Variants in KCNT1 observed in about 807,000 individuals in gnomAD.
KCNT1 encodes the protein potassium channel subfamily T member 1.
Under a neutral mutation model 147.8 loss-of-function variants are expected in KCNT1, and 78 were observed. The observed-to-expected ratio is 0.53, with a 90% CI of 0.44 to 0.64. The LOEUF is 0.64. KCNT1 is among the 30% of genes least tolerant of loss of function. The pLI, the probability that KCNT1 is intolerant of heterozygous loss-of-function variation, is 0.00. For missense variants in KCNT1, 1,419 were observed against 1,750.3 expected (o/e 0.81, Z 3.38); for synonymous variants, 867 against 748.8 (o/e 1.16, Z -2.58).
chr9:135,765,361 CCCAGGA>C (rs1832192639), intron 12 of KCNT1, among the ~76,000 whole-genome samples, 166 bp downstream of exon 12: 1 of 56,576 alleles, frequency 1.8e-5, no homozygotes, highest in Non-Finnish European at 3.8e-5. Context: ...CCATCCTCTC[CCCAGGA>C]CTGCCATCCT....
At chr9:135,791,913 C>T (rs751772524) in intron 30 of KCNT1, 32 bp downstream of exon 30, 2 of 1,611,814 alleles carry the variant, frequency 1.2e-6, no homozygotes, top group Non-Finnish European at 1.7e-6. Context: ...TGTGGAGACC[C>T]CCCCTGAGCA....
chr9:135,740,855 C>T (rs1270803523), intron 2 of KCNT1, among the ~76,000 whole-genome samples: 1 of 152,012 alleles, frequency 6.6e-6, no homozygotes, highest in Non-Finnish European at 1.5e-5. Context: ...CCTGGACCAC[C>T]GTGGGTTTGG....
chr9:135,731,284 G>A (rs536774021), intron 2 of KCNT1, among the ~76,000 whole-genome samples: 7 of 152,298 alleles, frequency 4.6e-5, no homozygotes, highest in East Asian at 3.9e-4. Flanking sequence ...CGCGGCTCGC[G>A]TTAGAATCTC....
rs986663862 is a variant in KCNT1 at position 135,730,542 on chromosome 9, C to T, written c.254+15822C>T. On this transcript the variant is annotated intron_variant, in intron 2 of 30. Transcript: ENST00000371757. The surrounding 1 kb of genome is among the most constrained non-coding windows in gnomAD (Gnocchi z 4.7). Reference sequence around the variant, plus strand: ...TGAGCAGGGGAAGCAAGGACTGGAGCGATGGGAGGAGGGGCCCAGCCGGGG... The same window carrying T: ...TGAGCAGGGGAAGCAAGGACTGGAGTGATGGGAGGAGGGGCCCAGCCGGGG... 1.3e-5 allele frequency among the ~76,000 whole-genome samples: 2 copies of T among 151,940 alleles called. No homozygotes were observed. Among genetic ancestry groups the T allele is most frequent in the East Asian group, 1.9e-4 (1 of 5,168 alleles).
At chr9:135,769,215 C>T (rs1473976162) in intron 15 of KCNT1, among the ~76,000 whole-genome samples, 1 of 133,084 alleles carries the variant, frequency 7.5e-6, no homozygotes, top group South Asian at 2.4e-4. Context: ...GCATCTGGGG[C>T]AGGGCACGTG....
intron 6 of KCNT1, among the ~76,000 whole-genome samples, chr9:135,755,394 C>A (rs1831418156): frequency 6.7e-6 from 1 of 149,806 alleles, no homozygotes; most frequent in Non-Finnish European, 1.5e-5. Flanking sequence ...CAAACCCAGG[C>A]TCAGTAAACA....
intron 2 of KCNT1, among the ~76,000 whole-genome samples, chr9:135,721,726 G>GA (rs1317905881): frequency 9.2e-5 from 14 of 152,344 alleles, no homozygotes; most frequent in African/African-American, 3.4e-4. Flanking sequence ...CTGAGTGAGT[G>GA]AAATGCATGT....
chr9:135,744,259 A>G (rs1830700570), intron 2 of KCNT1, among the ~76,000 whole-genome samples: 1 of 152,204 alleles, frequency 6.6e-6, no homozygotes, highest in South Asian at 2.1e-4. Flanking sequence ...AGCAGGGAGA[A>G]CTGTTGCCGG....
chr9:135,742,788 T>C (rs1202807343), intron 2 of KCNT1: 1 of 717,092 alleles, frequency 1.4e-6, no homozygotes, highest in Non-Finnish European at 2.6e-6. Flanking sequence ...TGTAGAAGAT[T>C]TCAGCCTGGA....
chr9:135,792,455 G>A lies in KCNT1; in HGVS notation c.*294G>A. On this transcript the variant is annotated 3_prime_UTR_variant, in exon 31 of 31. Transcript: ENST00000371757. ...CTCGTGACCAGGGCTGGCTGGGAGG[G>A]CAACGCAGGGACTGGACGCCCTACA... is the stretch of plus-strand genomic sequence containing the variant. 3.2e-6 allele frequency: 1 copy of A among 308,006 alleles called. No homozygotes were observed. The highest frequency in any genetic ancestry group is 6.2e-6 in the Non-Finnish European group (1 of 160,656). 19.1% of individuals were successfully genotyped at this position (308,006 alleles called of 1,614,324 possible).
rs1395876777 is a variant in KCNT1 at position 135,730,930 on chromosome 9, G to T, written c.254+16210G>T. 6.9e-6 allele frequency among the ~76,000 whole-genome samples: 1 copy of T among 144,442 alleles called. No homozygotes were observed. Among genetic ancestry groups the T allele is most frequent in the East Asian group, 2.0e-4 (1 of 4,888 alleles). The allele number at this position is 144,442 out of a possible 152,430, so 94.8% of individuals were successfully genotyped here. On this transcript the variant is annotated intron_variant, in intron 2 of 30. Coordinates refer to ENST00000371757, the MANE Select transcript of KCNT1 (RefSeq NM_020822.3). This position sits in a 1 kb window ranked among gnomAD's most constrained non-coding sequence, Gnocchi z 4.7. ...GAGCCCAGGAGGTCCAGGCTGCAGT[G>T]AGCGATGTTCATGCCACTGCACTCC...
intron 2 of KCNT1, among the ~76,000 whole-genome samples, chr9:135,747,099 A>G (rs1328998643): frequency 6.6e-6 from 1 of 151,976 alleles, no homozygotes; most frequent in Non-Finnish European, 1.5e-5. Flanking sequence ...GCTGGGTGGG[A>G]GAGAGGCACC....
Position 135,756,915 on chromosome 9 carries a change from A to G in KCNT1, c.583A>G (p.Ile195Val), listed in dbSNP as rs1341717090. The change falls in exon 7 of 31, where the codon ATC becomes GTC. Residue 195 changes from isoleucine (I) to valine (V), a missense_variant. By Grantham distance (29) the Ile-to-Val change is conservative. Around this residue, in one of 5 missense-constraint regions of KCNT1, gnomAD observed 401 missense variants for 610.6 expected, o/e 0.66. Coordinates refer to ENST00000371757, the MANE Select transcript of KCNT1 (RefSeq NM_020822.3). ...AAGCTTCCTGGAGACGATGCTTCTC[A>G]TCTACCTCAGCTACAAAGTGAGTGC... ...IISFLETMLL[I>V]YLSYKGNIWE... The G allele has an allele frequency of 6.2e-7, 1 of 1,612,762 alleles. No individual in the cohort carries two copies. Among genetic ancestry groups the G allele is most frequent in the Admixed American group, 1.7e-5 (1 of 59,992 alleles).
At chr9:135,775,472 C>A in intron 20 of KCNT1, 57 bp downstream of exon 20, 1 of 1,261,774 alleles carries the variant, frequency 7.9e-7, no homozygotes, top group Non-Finnish European at 1.1e-6. Context: ...CCGGGCCGTG[C>A]ATACCTGCCC....
At chr9:135,759,946 C>T (rs1024971099) in intron 11 of KCNT1, 87 bp downstream of exon 11, 5 of 1,305,304 alleles carry the variant, frequency 3.8e-6, no homozygotes, top group Admixed American at 2.3e-5. Context: ...GAGGCTGTGG[C>T]ACAGTGCGGG....
In KCNT1 at chr9:135,784,063, C is replaced by T. The variant is rs1178947201; in HGVS notation, c.2881C>T (p.Arg961Cys). 3.1e-6 allele frequency: 5 copies of T among 1,605,662 alleles called. No homozygotes were observed. The highest frequency in any genetic ancestry group is 4.2e-6 in the Non-Finnish European group (5 of 1,179,964). ...TGGCTCCAACCTGGCCTTCATGTTC[C>T]GCCTGCCGTTCGCCGCCGGCCGCGT... ...ENGSNLAFMF[R>C]LPFAAGRVFS... Residue 961 changes from arginine (R) to cysteine (C), a missense_variant, in exon 25 of 31, where the codon CGC becomes TGC. Transcript: ENST00000371757.
chr9:135,761,239 G>A (rs527707367), intron 11 of KCNT1, among the ~76,000 whole-genome samples: 8 of 152,132 alleles, frequency 5.3e-5, no homozygotes, highest in Non-Finnish European at 1.0e-4. Context: ...CATAAACCTG[G>A]CTTCCTATTT....
At chr9:135,750,872 C>T in intron 3 of KCNT1, 70 bp from the exon 4 acceptor site, 1 of 1,432,566 alleles carries the variant, frequency 7.0e-7, no homozygotes, top group Non-Finnish European at 9.8e-7. Flanking sequence ...CCAGCCAGAC[C>T]CGGGTGCAGG....
At chr9:135,762,824 T>C (rs1486104474) in intron 11 of KCNT1, among the ~76,000 whole-genome samples, 1 of 152,146 alleles carries the variant, frequency 6.6e-6, no homozygotes. Context: ...CCTGCACTGC[T>C]CTTCAGGGAA....
Sources: allele counts gnomAD v4.1 joint callset (sites outside exome capture counted in the v4.1 genomes callset), GRCh38; gene constraint gnomAD v4.1.1; regional missense constraint gnomAD v4.1.1; non-coding constraint Gnocchi (gnomAD v3.1); transcripts MANE v1.5; gene names NCBI Gene and HGNC (gene_info 2026-07-23, HGNC 2026-07-21).